TCF7L2: variants seen among roughly 807,000 people sequenced by gnomAD.
The protein encoded by TCF7L2 is transcription factor 7-like 2.
A neutral mutation model predicts 77.9 loss-of-function variants in TCF7L2; 23 were observed. The observed-to-expected ratio is 0.30, with a 90% CI of 0.21 to 0.42. TCF7L2 has a LOEUF of 0.42. Among genes scored for constraint, TCF7L2 ranks in the 10% least tolerant of loss-of-function variants. The probability of loss-of-function intolerance (pLI) is 1.00; values close to 1 mark genes in which losing one functional copy is unlikely to be tolerated. For synonymous variants in TCF7L2, 413 were observed against 340.2 expected (o/e 1.21, Z -2.36); for missense variants, 654 against 793.1 (o/e 0.82, Z 2.11).
At chr10:113,016,021 G>A (rs1331062446) in intron 4 of TCF7L2, among the ~76,000 whole-genome samples, 5 of 151,758 alleles carry the variant, frequency 3.3e-5, no homozygotes, top group South Asian at 2.1e-4. Context: ...ACTAAAGGGC[G>A]TACTAAAGTA....
intron 5 of TCF7L2, among the ~76,000 whole-genome samples, chr10:113,069,186 A>G (rs1455924613): frequency 6.6e-6 from 1 of 150,604 alleles, no homozygotes; most frequent in Non-Finnish European, 1.5e-5. Flanking sequence ...GGCGCTGTAA[A>G]TGTTGTGTCC....
In TCF7L2 at chr10:113,165,641, CT is replaced by C. The variant is rs779651618; in HGVS notation, c.1479del (p.Ser496ProfsTer5). ...TCAGATGGAAGCTTACTAGATTCGC[CT>C]CCCCCCTCCCCGAACCTGCTAGGCT... On this transcript the variant is annotated frameshift_variant, in exon 14 of 14. Transcript: ENST00000627217. LOFTEE classifies it high-confidence loss of function. The C allele has an allele frequency of 6.2e-7, 1 of 1,612,782 alleles. No individual in the cohort carries two copies. The highest frequency in any genetic ancestry group is 1.3e-5 in the African/African-American group (1 of 74,982).
intron 5 of TCF7L2, among the ~76,000 whole-genome samples, chr10:113,132,497 C>T (rs1274124802): frequency 6.6e-6 from 1 of 152,116 alleles, no homozygotes; most frequent in African/African-American, 2.4e-5. Context: ...ATTTCCTTTC[C>T]ATTATATTTA....
At chr10:113,136,545 T>A (rs546240686) in intron 5 of TCF7L2, among the ~76,000 whole-genome samples, 1 of 152,218 alleles carries the variant, frequency 6.6e-6, no homozygotes, top group Non-Finnish European at 1.5e-5. Context: ...ACTTGAACAT[T>A]GGTTCGCTGT....
At chr10:113,152,994 A>G (rs886842985) in intron 11 of TCF7L2, among the ~76,000 whole-genome samples, 1 of 152,228 alleles carries the variant, frequency 6.6e-6, no homozygotes, top group Non-Finnish European at 1.5e-5. Flanking sequence ...AATATCCCTG[A>G]AAGCAGCCAG....
At chr10:113,020,303 A>C (rs1371154355) in intron 4 of TCF7L2, among the ~76,000 whole-genome samples, 1 of 152,090 alleles carries the variant, frequency 6.6e-6, no homozygotes, top group East Asian at 1.9e-4. Context: ...TGCTGATGGG[A>C]GGCAGCTGGG....
At chr10:113,078,775 G>A (rs149006391) in intron 5 of TCF7L2, among the ~76,000 whole-genome samples, 2 of 151,976 alleles carry the variant, frequency 1.3e-5, no homozygotes, top group Non-Finnish European at 2.9e-5. Context: ...TCATTTTCAC[G>A]CTGGTGGTAA....
At chr10:112,966,194 ATATATATAT>A (rs1463229153) in intron 4 of TCF7L2, among the ~76,000 whole-genome samples, 1 of 106,482 alleles carries the variant, frequency 9.4e-6, no homozygotes, top group African/African-American at 3.5e-5. Flanking sequence ...TTATATATAT[ATATATATAT>A]ATATATATTT....
At chr10:113,058,352 G>C (rs2055769832) in intron 5 of TCF7L2, among the ~76,000 whole-genome samples, 1 of 152,162 alleles carries the variant, frequency 6.6e-6, no homozygotes, top group Non-Finnish European at 1.5e-5. Flanking sequence ...GATGAAGAGG[G>C]GGTGGGGAAT....
chr10:113,160,815 T>A, intron 13 of TCF7L2: 2 of 859,854 alleles, frequency 2.3e-6, no homozygotes, highest in Non-Finnish European at 3.5e-6. Flanking sequence ...TGACTAATGA[T>A]CCTCATTCTT....
intron 5 of TCF7L2, among the ~76,000 whole-genome samples, chr10:113,119,390 C>G (rs2064393637): frequency 6.6e-6 from 1 of 152,082 alleles, no homozygotes; most frequent in Non-Finnish European, 1.5e-5. Flanking sequence ...ATTTTTTATG[C>G]TGTTTTGAGT....
rs190147734 is a variant in TCF7L2, at chr10:113,072,597, G to A, written c.552+32471G>A. ...CTCGAACTCCTGACCTCAGGTGAGC[G>A]TCCTGCCTTGGCCTCCCAAAGTGCT... is the stretch of plus-strand genomic sequence containing the variant. On this transcript the variant is annotated intron_variant, in intron 5 of 13. Coordinates refer to ENST00000627217, the MANE Select transcript of TCF7L2 (RefSeq NM_001146274.2). Among the ~76,000 whole-genome samples, 260 of 152,050 alleles carry A rather than the reference G, an allele frequency of 1.7e-3. 1 individual carries two copies. Among genetic ancestry groups the A allele is most frequent in the African/African-American group, 6.1e-3 (252 of 41,476 alleles).
At chr10:113,144,098 G>A (rs1235375737) in intron 7 of TCF7L2, 73 bp downstream of exon 7, 1 of 817,640 alleles carries the variant, frequency 1.2e-6, no homozygotes, top group Non-Finnish European at 1.7e-6. Context: ...CTGTGTGTGT[G>A]TCTGTGTGTG....
rs1407344599 is a variant in TCF7L2, at chr10:113,049,418, A to G, written c.552+9292A>G. Among the ~76,000 whole-genome samples the G allele has an allele frequency of 2.0e-5, 3 of 151,966 alleles. No individual in the cohort carries two copies. The East Asian group carries it at 5.9e-4, about 30-fold the overall frequency. The stretch of plus-strand genomic sequence containing the variant: ...CGATTGCTCTTTTCTTTCATACCCC[A>G]CATTCAACCCATCAGCCCATCCCAC... On this transcript the variant is annotated intron_variant, in intron 5 of 13. Transcript: ENST00000627217.
intron 5 of TCF7L2, among the ~76,000 whole-genome samples, chr10:113,072,297 CTCCCGCCTCAGCCTTCCAAAGGGAG>C (rs1379456456): frequency 3.0e-5 from 4 of 132,834 alleles, no homozygotes; most frequent in African/African-American, 1.1e-4. Context: ...CCTTGTGATC[CTCCCGCCTCAGCCTTCCAAAGGGAG>C]GGATTACTGG....
intron 4 of TCF7L2, among the ~76,000 whole-genome samples, chr10:113,038,465 C>G (rs1232119342): frequency 6.6e-6 from 1 of 152,176 alleles, no homozygotes; most frequent in Non-Finnish European, 1.5e-5. Flanking sequence ...GGGCAATGAT[C>G]TTCCAGCTTT....
At chr10:113,091,581 G>A (rs755498121) in intron 5 of TCF7L2, among the ~76,000 whole-genome samples, 7 of 152,158 alleles carry the variant, frequency 4.6e-5, no homozygotes, top group Non-Finnish European at 1.0e-4. Flanking sequence ...GCCAGGCGTG[G>A]TGGCGCGTGC....
At position 113,027,013 on chromosome 10, in the gene TCF7L2, G is replaced by A. The variant is rs536311025; in HGVS notation, c.451-13012G>A. 1.4e-4 allele frequency among the ~76,000 whole-genome samples: 22 copies of A among 152,316 alleles called. No homozygotes were observed. In the South Asian group the frequency reaches 3.9e-3, roughly 27 times the overall value. ...ACCACAAAAGCAGAGAACGAGTTGG[G>A]TTAGAGAGGCATAGTGGCTGGGTCC... is the stretch of plus-strand genomic sequence containing the variant. On this transcript the variant is annotated intron_variant, in intron 4 of 13. Transcript: ENST00000627217.
At chr10:112,989,920 G>C (rs969882223) in intron 4 of TCF7L2, among the ~76,000 whole-genome samples, 15 of 152,208 alleles carry the variant, frequency 9.9e-5, no homozygotes, top group African/African-American at 3.4e-4. Flanking sequence ...GTGAGGGGAG[G>C]GTGGTGGGCA....
Sources: allele counts gnomAD v4.1 joint callset (sites outside exome capture counted in the v4.1 genomes callset), GRCh38; gene constraint gnomAD v4.1.1; transcripts MANE v1.5; gene names NCBI Gene and HGNC (gene_info 2026-07-23, HGNC 2026-07-21).